TAFA2: variants seen among roughly 807,000 people sequenced by gnomAD.
TAFA2 encodes chemokine-like protein TAFA-2.
Under a neutral mutation model 18.8 loss-of-function variants are expected in TAFA2, and 7 were observed. The observed-to-expected ratio is 0.37, with a 90% confidence interval of 0.21 to 0.70. The LOEUF (loss-of-function observed/expected upper bound fraction) is 0.70. Among genes scored for constraint, TAFA2 ranks in the 30% least tolerant of loss-of-function variants. The pLI is 0.53. For missense variants in TAFA2, 122 were observed against 158.1 expected, an observed-to-expected ratio of 0.77 and a Z score of 1.23; for synonymous variants, 60 against 54.2, an observed-to-expected ratio of 1.11 and a Z score of -0.47.
In TAFA2 at chr12:62,062,707, C is replaced by T. The variant is rs568031504; in HGVS notation, c.-2+128552G>A. On this transcript the variant is annotated intron_variant, in intron 1 of 4. Transcript: ENST00000416284. ...AAGGTCTCACCAGACTAATATCAAG[C>T]TGTCAGCAGGCTGCATTCCTTTCTG... Among the ~76,000 whole-genome samples the T allele has an allele frequency of 5.3e-5, 8 of 152,314 alleles. No homozygotes were observed. The South Asian group carries it at 1.7e-3, about 32-fold the overall frequency.
chr12:62,070,138 A>G (rs575273313), intron 1 of TAFA2, among the ~76,000 whole-genome samples: 2 of 152,298 alleles, frequency 1.3e-5, no homozygotes, highest in East Asian at 3.9e-4. Context: ...TTTTTAGAAC[A>G]TTATTGGGGA....
intron 1 of TAFA2, among the ~76,000 whole-genome samples, chr12:61,952,601 G>T (rs1460687718): frequency 6.6e-6 from 1 of 151,992 alleles, no homozygotes; most frequent in Non-Finnish European, 1.5e-5. Flanking sequence ...CACAGTACTT[G>T]CACTCTACTA....
intron 1 of TAFA2, chr12:62,022,222 G>A (rs1592555408): frequency 1.0e-5 from 3 of 290,514 alleles, no homozygotes; most frequent in East Asian, 7.7e-5. Flanking sequence ...GAGACCAAGC[G>A]ATGAAGAGCC....
chr12:62,061,256 G>A (rs2136788362), intron 1 of TAFA2, among the ~76,000 whole-genome samples: 1 of 152,128 alleles, frequency 6.6e-6, no homozygotes, highest in South Asian at 2.1e-4. Flanking sequence ...TGTACAGGTG[G>A]GCCATGTTTT....
intron 4 of TAFA2, 38 bp downstream of exon 4, chr12:61,753,584 A>G: frequency 3.8e-6 from 6 of 1,593,308 alleles, no homozygotes; most frequent in Non-Finnish European, 5.1e-6. Flanking sequence ...CTATTAATTC[A>G]GAGACATTCT....
chr12:61,892,876 G>A (rs1314997693), intron 1 of TAFA2, among the ~76,000 whole-genome samples: 1 of 152,056 alleles, frequency 6.6e-6, no homozygotes, highest in African/African-American at 2.4e-5. Flanking sequence ...TTTATAGAGT[G>A]AATAAGTAAA....
Position 61,879,873 on chromosome 12 carries a change from A to G in TAFA2, c.-1-12447T>C. The G allele has an allele frequency of 5.4e-6, 5 of 926,530 alleles. No individual in the cohort carries two copies. The South Asian group carries it at 6.5e-5, about 12-fold the overall frequency. The allele number at this position is 926,530 out of a possible 1,614,324, so 57.4% of individuals were successfully genotyped here. A position where few individuals can be genotyped will look rare whatever the true frequency, so the allele number is the denominator to read the frequency against. On this transcript the variant is annotated intron_variant, in intron 1 of 4. Coordinates refer to ENST00000416284, the MANE Select transcript of TAFA2 (RefSeq NM_178539.5). ...AAGAAGAAGTACCATGATGAGATCA[A>G]TAAGCATACAGAGATGGAGAATGAA...
At chr12:62,064,118 T>C (rs1882425502) in intron 1 of TAFA2, among the ~76,000 whole-genome samples, 1 of 152,120 alleles carries the variant, frequency 6.6e-6, no homozygotes, top group South Asian at 2.1e-4. Flanking sequence ...ATTTCTAAGC[T>C]GATTTAAGGT....
In TAFA2 at chr12:62,204,242, T is replaced by C. The variant is rs111315491; in HGVS notation, c.-130+54521A>G. On this transcript the variant is annotated intron_variant, in intron 1 of 5. Transcript: ENST00000551619. ...GACGAACTTGCCTTTGTAGGTGACCTGGCCTTTCTCTCTGGCTGCCCTTAA... is the reference window on the plus strand; with the variant it reads ...GACGAACTTGCCTTTGTAGGTGACCCGGCCTTTCTCTCTGGCTGCCCTTAA... Among the ~76,000 whole-genome samples the C allele has an allele frequency of 8.8e-3, 1,337 of 152,312 alleles. 18 individuals carry two copies. The highest frequency in any genetic ancestry group is 0.031 in the African/African-American group (1,290 of 41,558).
At position 61,948,732 on chromosome 12, in the gene TAFA2, T is replaced by G. The variant is rs1244901603; in HGVS notation, c.-1-81306A>C. ...TAAATGATTTATTGACTTAGGTGGT[T>G]GATATTTGGGTGTTTGCATTGTAAT... On this transcript the variant is annotated intron_variant, in intron 1 of 4. Coordinates refer to ENST00000416284, the MANE Select transcript of TAFA2 (RefSeq NM_178539.5). Among the ~76,000 whole-genome samples, 4 of 152,294 alleles carry G rather than the reference T, an allele frequency of 2.6e-5. No individual in the cohort carries two copies. The East Asian group carries it at 5.8e-4, about 22-fold the overall frequency.
At chr12:62,101,757 T>C (rs1173790246) in intron 1 of TAFA2, among the ~76,000 whole-genome samples, 2 of 152,226 alleles carry the variant, frequency 1.3e-5, no homozygotes, top group Non-Finnish European at 2.9e-5. Flanking sequence ...CTAAGTCTAA[T>C]ACTAGCCAAT....
At chr12:61,820,213 C>T (rs1167288813) in intron 2 of TAFA2, among the ~76,000 whole-genome samples, 2 of 151,952 alleles carry the variant, frequency 1.3e-5, no homozygotes, top group African/African-American at 4.8e-5. Flanking sequence ...ATGTCATTTA[C>T]ATTAACAAGA....
At chr12:61,884,625 G>A (rs1299452816) in intron 1 of TAFA2, among the ~76,000 whole-genome samples, 1 of 152,042 alleles carries the variant, frequency 6.6e-6, no homozygotes, top group Admixed American at 6.6e-5. Flanking sequence ...AAAGTACAGA[G>A]TTTATAATTT....
In TAFA2 at chr12:61,922,564, G is replaced by A. The variant is rs139435934; in HGVS notation, c.-1-55138C>T. 1.8e-3 allele frequency among the ~76,000 whole-genome samples: 277 copies of A among 152,302 alleles called. 4 individuals are homozygous for A. Among genetic ancestry groups the A allele is most frequent in the African/African-American group, 5.0e-3 (209 of 41,586 alleles). On this transcript the variant is annotated intron_variant, in intron 1 of 4. Transcript: ENST00000416284. ...TGTGCTGTGAGGGACGGTGCTATCC[G>A]GACCAGAAACTACTTTTCCCATGGT...
intron 2 of TAFA2, among the ~76,000 whole-genome samples, chr12:61,758,655 T>A (rs1292926241): frequency 6.6e-6 from 1 of 151,924 alleles, no homozygotes; most frequent in African/African-American, 2.4e-5. Flanking sequence ...AAGAGTGAAT[T>A]TACCAGGAAA....
chr12:61,883,842 C>A (rs1875252982), intron 1 of TAFA2, among the ~76,000 whole-genome samples: 1 of 152,142 alleles, frequency 6.6e-6, no homozygotes, highest in South Asian at 2.1e-4. Flanking sequence ...TACCAATATT[C>A]TGACCTTCTC....
intron 1 of TAFA2, among the ~76,000 whole-genome samples, chr12:61,994,654 A>T (rs1300156171): frequency 1.3e-5 from 2 of 152,068 alleles, no homozygotes; most frequent in East Asian, 1.9e-4. Context: ...GTCACCAATG[A>T]TCTCCATCTT....
chr12:61,842,269 A>G (rs549673315), intron 2 of TAFA2, among the ~76,000 whole-genome samples: 1 of 132,430 alleles, frequency 7.6e-6, no homozygotes, highest in East Asian at 2.3e-4. Context: ...CTTCCCCCAC[A>G]TGACAGAACT....
chr12:61,710,386 A>T lies in TAFA2; in HGVS notation c.*20T>A. Reference sequence around the variant, plus strand: ...ATGTTCAATGTCATCAGCCTTGAGGATCACTTGATTTCTCCTGGGTTAATG... The same window carrying T: ...ATGTTCAATGTCATCAGCCTTGAGGTTCACTTGATTTCTCCTGGGTTAATG... On this transcript the variant is annotated 3_prime_UTR_variant, in exon 5 of 5. Transcript: ENST00000416284. The T allele has an allele frequency of 1.2e-6, 2 of 1,608,430 alleles. No homozygotes were observed. The highest frequency in any genetic ancestry group is 2.2e-5 in the East Asian group (1 of 44,810).
Sources: gnomAD v4.1 joint callset for allele counts (sites outside exome capture counted in the v4.1 genomes callset) on GRCh38, gnomAD v4.1.1 for gene constraint, MANE v1.5 for transcripts, NCBI Gene and HGNC (gene_info 2026-07-23, HGNC 2026-07-21) for gene names.